The following KANSL1 variants were observed in gnomAD, a reference collection of about 807,000 sequenced individuals.
KANSL1 encodes the protein KAT8 regulatory NSL complex subunit 1.
KANSL1 carries 22 observed loss-of-function variants against 103.6 expected under a neutral mutation model. The ratio of observed to expected loss-of-function variants is 0.21; its 90% confidence interval spans 0.15 to 0.30. KANSL1 has a LOEUF of 0.30. KANSL1 is among the 10% of genes least tolerant of loss of function. The pLI, the probability that KANSL1 is intolerant of heterozygous loss-of-function variation, is 1.00. For missense variants in KANSL1, 1,337 were observed against 1,399.8 expected (o/e 0.96, Z 0.72); for synonymous variants, 600 against 527.6 (o/e 1.14, Z -1.88).
intron 2 of KANSL1, among the ~76,000 whole-genome samples, chr17:46,138,573 C>A (rs1434428351): frequency 2.0e-5 from 3 of 152,232 alleles, no homozygotes; most frequent in Non-Finnish European, 4.4e-5. Context: ...TGAAGGATAA[C>A]TGTATAATGC....
At chr17:46,192,194 GA>G (rs2047368170) in intron 1 of KANSL1, among the ~76,000 whole-genome samples, 1 of 152,040 alleles carries the variant, frequency 6.6e-6, no homozygotes, top group South Asian at 2.1e-4. Context: ...TTATCGTATG[GA>G]AAACAAACTA....
chr17:46,048,375 C>T (rs966800025), intron 7 of KANSL1, among the ~76,000 whole-genome samples: 1 of 151,860 alleles, frequency 6.6e-6, no homozygotes, highest in Non-Finnish European at 1.5e-5. Context: ...GGAGACCAGC[C>T]TGGCCAACAT....
Position 46,034,184 on chromosome 17 carries a change from T to C in KANSL1, c.2643A>G (p.Gln881=), listed in dbSNP as rs749039030. The C allele has an allele frequency of 1.2e-6, 2 of 1,614,034 alleles. No individual in the cohort carries two copies. The highest frequency in any genetic ancestry group is 1.7e-5 in the Admixed American group (1 of 60,002). Residue 881 remains glutamine, a synonymous_variant, in exon 11 of 15, where the codon CAA becomes CAG. Transcript: ENST00000432791. ...VAATTRVEKL[Q]YKEILTPSWR... ...ACCTGGGCGTAAGGATTTCCTTGTA[T>C]TGCAGTTTCTCTACGCGAGTTGTTG...
intron 6 of KANSL1, among the ~76,000 whole-genome samples, chr17:46,062,826 G>A (rs2078227454): frequency 6.6e-6 from 1 of 151,846 alleles, no homozygotes; most frequent in East Asian, 2.0e-4. Context: ...GAGGCGGGTG[G>A]ATCACTTGAG....
intron 1 of KANSL1, among the ~76,000 whole-genome samples, chr17:46,220,091 A>C (rs2048477194): frequency 6.6e-6 from 1 of 152,144 alleles, no homozygotes; most frequent in Non-Finnish European, 1.5e-5. Context: ...TGACAGAGTG[A>C]GGCTCCGTCT....
At chr17:46,033,517 G>T in intron 11 of KANSL1, 57 bp from the exon 12 acceptor site, 1 of 1,422,514 alleles carries the variant, frequency 7.0e-7, no homozygotes, top group Non-Finnish European at 9.9e-7. Flanking sequence ...ACTGGGGGCA[G>T]GGTCAAAGTG....
chr17:46,126,856 TACCACTCA>T (rs1224375127), intron 2 of KANSL1, among the ~76,000 whole-genome samples: 1 of 152,242 alleles, frequency 6.6e-6, no homozygotes. Context: ...TTTCTGGCTG[TACCACTCA>T]ACAAAAATTT....
At chr17:46,196,227 G>A, upstream of KANSL1, 1 of 435,334 alleles carries the variant, frequency 2.3e-6, no homozygotes. Context: ...AACAGAGCGA[G>A]ACCATCTCAA....
chr17:46,076,412 C>T lies in KANSL1; in HGVS notation c.1533+6029G>A, dbSNP rs1276052069. On this transcript the variant is annotated intron_variant, in intron 4 of 14. Coordinates refer to ENST00000432791, the MANE Select transcript of KANSL1 (RefSeq NM_015443.4). ...TCGGGAGGCTGAGGCAGAAGAATCA[C>T]TTGAACCCAGGAGGTGGAGGTTGCA... Among the ~76,000 whole-genome samples the T allele has an allele frequency of 2.0e-5, 3 of 150,940 alleles. No homozygotes were observed. The Admixed American group carries it at 2.0e-4, about 10-fold the overall frequency.
In KANSL1 at chr17:46,095,025, C is replaced by T. The variant is rs80020809; in HGVS notation, c.1290-324G>A. On this transcript the variant is annotated intron_variant, in intron 2 of 14. Coordinates refer to ENST00000432791, the MANE Select transcript of KANSL1 (RefSeq NM_015443.4). Reference sequence around the variant, plus strand: ...AAATAAAACATACATTAAGAATAATCTATACAGGAAATCCAACTGACACTA... The same window carrying T: ...AAATAAAACATACATTAAGAATAATTTATACAGGAAATCCAACTGACACTA... Among the ~76,000 whole-genome samples the T allele has an allele frequency of 0.14, 21,642 of 151,872 alleles. 2,111 individuals carry two copies. The highest frequency in any genetic ancestry group is 0.22 in the Non-Finnish European group (14,628 of 67,766).
chr17:46,113,998 GATTAAATGATTTGCCCAGAGTC>G (rs1364606481), intron 2 of KANSL1, among the ~76,000 whole-genome samples: 16 of 152,126 alleles, frequency 1.1e-4, no homozygotes, highest in African/African-American at 3.1e-4. Flanking sequence ...GGGCCCAAAG[GATTAAATGATTTGCCCAGAGTC>G]ATAAGCCAAG....
At chr17:46,188,358 T>C (rs911613219) in intron 1 of KANSL1, among the ~76,000 whole-genome samples, 14 of 152,382 alleles carry the variant, frequency 9.2e-5, no homozygotes, top group East Asian at 3.8e-4. Flanking sequence ...ATATAAACTA[T>C]TGTTCTGCAC....
intron 2 of KANSL1, among the ~76,000 whole-genome samples, chr17:46,126,436 G>A (rs1490213910): frequency 6.8e-6 from 1 of 147,406 alleles, no homozygotes; most frequent in Non-Finnish European, 1.5e-5. Context: ...GAGTAACTAC[G>A]TCTCAAAAAA....
intron 1 of KANSL1, among the ~76,000 whole-genome samples, chr17:46,188,924 G>C (rs2696569): frequency 0.15 from 21,895 of 150,010 alleles, 2,155 homozygotes; most frequent in Middle Eastern, 0.22. Context: ...TGCCAGCTAC[G>C]CAGGAGGCTG....
intron 2 of KANSL1, among the ~76,000 whole-genome samples, chr17:46,149,448 A>T (rs1170360014): frequency 1.3e-5 from 2 of 152,256 alleles, no homozygotes; most frequent in Non-Finnish European, 2.9e-5. Flanking sequence ...CTTTTTCTGT[A>T]AAGGGCCAGA....
intron 2 of KANSL1, among the ~76,000 whole-genome samples, chr17:46,111,374 A>C (rs1185900618): frequency 6.6e-6 from 1 of 152,126 alleles, no homozygotes; most frequent in African/African-American, 2.4e-5. Flanking sequence ...AAGCCCAGCT[A>C]ATTTTTTGTA....
chr17:46,147,025 C>T (rs564853804), intron 2 of KANSL1, among the ~76,000 whole-genome samples: 1 of 151,938 alleles, frequency 6.6e-6, no homozygotes, highest in South Asian at 2.1e-4. Context: ...GAGACTCCAT[C>T]ACTAAAAATA....
intron 2 of KANSL1, among the ~76,000 whole-genome samples, chr17:46,103,003 G>A (rs1429257545): frequency 6.6e-6 from 1 of 152,204 alleles, no homozygotes; most frequent in Non-Finnish European, 1.5e-5. Context: ...TGGGGATGTG[G>A]AGCAGAAGAC....
chr17:46,213,115 T>G (rs545133375), intron 1 of KANSL1, among the ~76,000 whole-genome samples: 3 of 147,792 alleles, frequency 2.0e-5, no homozygotes, highest in Admixed American at 1.4e-4. Context: ...ACCACCACCA[T>G]CAAGTGCCCA....
Sources: allele counts gnomAD v4.1 joint callset (sites outside exome capture counted in the v4.1 genomes callset), GRCh38; gene constraint gnomAD v4.1.1; transcripts MANE v1.5; gene names NCBI Gene and HGNC (gene_info 2026-07-23, HGNC 2026-07-21).